PLXDC2: variants seen among roughly 807,000 people sequenced by gnomAD.
PLXDC2 encodes the protein plexin domain containing 2, also known as plexin domain-containing protein 2.
Under a neutral mutation model 68.9 loss-of-function variants are expected in PLXDC2, and 40 were observed. That is an observed-to-expected ratio of 0.58 (90% CI 0.45 to 0.76). The LOEUF (loss-of-function observed/expected upper bound fraction) is 0.76. PLXDC2 is among the 30% of genes least tolerant of loss of function. PLXDC2 has a pLI of 0.00. For missense variants in PLXDC2, 644 were observed against 661.9 expected (o/e 0.97, Z 0.30); for synonymous variants, 243 against 234.2 (o/e 1.04, Z -0.34).
intron 9 of PLXDC2, among the ~76,000 whole-genome samples, chr10:20,190,842 G>A (rs10827991): frequency 0.76 from 115,772 of 151,742 alleles, 44,689 homozygotes; most frequent in East Asian, 0.9. Flanking sequence ...TGTAATCAGG[G>A]TAGTTTTTGA....
At chr10:20,005,198 G>C (rs1266160533) in intron 2 of PLXDC2, among the ~76,000 whole-genome samples, 1 of 152,154 alleles carries the variant, frequency 6.6e-6, no homozygotes, top group Non-Finnish European at 1.5e-5. Context: ...AATGACACTT[G>C]AATTATGTAG....
intron 4 of PLXDC2, among the ~76,000 whole-genome samples, chr10:20,093,796 G>A (rs916723212): frequency 6.6e-6 from 1 of 152,042 alleles, no homozygotes; most frequent in Non-Finnish European, 1.5e-5. Flanking sequence ...ACCATAGCCT[G>A]CCAAGTAGCT....
intron 13 of PLXDC2, 31 bp downstream of exon 13, chr10:20,245,536 C>A (rs778208493): frequency 1.9e-6 from 3 of 1,591,514 alleles, no homozygotes; most frequent in East Asian, 4.5e-5. Context: ...ATGAAAACCA[C>A]GCCAGTTGAT....
intron 1 of PLXDC2, among the ~76,000 whole-genome samples, chr10:19,898,271 G>C (rs188988043): frequency 6.6e-6 from 1 of 152,114 alleles, no homozygotes; most frequent in Admixed American, 6.5e-5. Flanking sequence ...TGATGTTAAG[G>C]TTTAGAGTGC....
At chr10:19,954,347 T>A (rs1834035094) in intron 1 of PLXDC2, among the ~76,000 whole-genome samples, 1 of 152,228 alleles carries the variant, frequency 6.6e-6, no homozygotes, top group Admixed American at 6.5e-5. Context: ...TTTGTGTAAT[T>A]GGCAGCTAAC....
chr10:19,922,014 A>G (rs1344650182), intron 1 of PLXDC2, among the ~76,000 whole-genome samples: 1 of 152,150 alleles, frequency 6.6e-6, no homozygotes, highest in Non-Finnish European at 1.5e-5. Context: ...ATGCACCACC[A>G]TGCCCGACTA....
intron 7 of PLXDC2, among the ~76,000 whole-genome samples, chr10:20,171,899 C>T (rs772013529): frequency 5.9e-5 from 9 of 151,932 alleles, no homozygotes; most frequent in African/African-American, 1.7e-4. Flanking sequence ...CACTTGAGCC[C>T]GCCAGTTCCA....
intron 12 of PLXDC2, among the ~76,000 whole-genome samples, chr10:20,226,535 C>T (rs191018027): frequency 3.3e-5 from 5 of 152,268 alleles, no homozygotes; most frequent in South Asian, 2.1e-4. Context: ...GTTGCAATTT[C>T]GTTGTTCAGC....
chr10:20,042,802 C>T (rs778174962), intron 2 of PLXDC2, among the ~76,000 whole-genome samples: 3 of 152,102 alleles, frequency 2.0e-5, no homozygotes, highest in African/African-American at 7.2e-5. Flanking sequence ...ACTTTTCCTC[C>T]GTATTTTTGG....
At chr10:20,204,594 A>G (rs1834965502) in intron 9 of PLXDC2, among the ~76,000 whole-genome samples, 1 of 152,176 alleles carries the variant, frequency 6.6e-6, no homozygotes, top group African/African-American at 2.4e-5. Flanking sequence ...TCGATGTAAT[A>G]TTTGTCCAAA....
intron 2 of PLXDC2, among the ~76,000 whole-genome samples, chr10:20,034,121 A>G (rs1019561117): frequency 6.6e-6 from 1 of 152,184 alleles, no homozygotes; most frequent in Admixed American, 6.5e-5. Context: ...TTGTTTTACC[A>G]TTTTGAAATA....
intron 1 of PLXDC2, among the ~76,000 whole-genome samples, chr10:19,859,878 C>A (rs1003754801): frequency 6.6e-6 from 1 of 151,984 alleles, no homozygotes; most frequent in Non-Finnish European, 1.5e-5. Flanking sequence ...ATTACAGGTG[C>A]GCTCCACCGT....
intron 3 of PLXDC2, among the ~76,000 whole-genome samples, chr10:20,060,765 G>A (rs1482536068): frequency 6.6e-6 from 1 of 152,260 alleles, no homozygotes; most frequent in African/African-American, 2.4e-5. Context: ...AAATTATGTT[G>A]TTATGTCTAC....
chr10:19,862,961 A>G (rs772815898), intron 1 of PLXDC2, among the ~76,000 whole-genome samples: 1 of 152,154 alleles, frequency 6.6e-6, no homozygotes, highest in Non-Finnish European at 1.5e-5. Flanking sequence ...CGTATAATAC[A>G]TGGAAGTAGC....
chr10:20,061,151 C>G (rs1836096198), intron 3 of PLXDC2, among the ~76,000 whole-genome samples: 2 of 152,320 alleles, frequency 1.3e-5, no homozygotes, highest in South Asian at 4.1e-4. Context: ...GTACTATACT[C>G]TTAGCTAATC....
At chr10:20,103,482 C>T in intron 4 of PLXDC2, among the ~76,000 whole-genome samples, 1 of 151,212 alleles carries the variant, frequency 6.6e-6, no homozygotes, top group Middle Eastern at 3.4e-3. Context: ...GAATGTGGAT[C>T]CAGAGATAGC....
At chr10:19,915,951 T>C in intron 1 of PLXDC2, among the ~76,000 whole-genome samples, 1 of 152,016 alleles carries the variant, frequency 6.6e-6, no homozygotes, top group East Asian at 1.9e-4. Context: ...AGCTTATTTT[T>C]CCCTTCCCTC....
intron 1 of PLXDC2, among the ~76,000 whole-genome samples, chr10:19,934,949 T>C: frequency 6.6e-6 from 1 of 152,232 alleles, no homozygotes; most frequent in East Asian, 1.9e-4. Context: ...ATGTGTTGAC[T>C]TGTAGGGTCC....
intron 4 of PLXDC2, among the ~76,000 whole-genome samples, chr10:20,137,756 G>A (rs902850350): frequency 6.6e-6 from 1 of 152,212 alleles, no homozygotes; most frequent in African/African-American, 2.4e-5. Flanking sequence ...AAACTGATTC[G>A]TGGCCAGGGC....
Sources: allele counts gnomAD v4.1 joint callset (sites outside exome capture counted in the v4.1 genomes callset), GRCh38; gene constraint gnomAD v4.1.1; transcripts MANE v1.5; gene names NCBI Gene and HGNC (gene_info 2026-07-23, HGNC 2026-07-21).